Variants in RTN1 observed in about 807,000 individuals in gnomAD.
The protein encoded by RTN1 is reticulon 1, also known as reticulon-1.
Under a neutral mutation model 65.5 loss-of-function variants are expected in RTN1, and 25 were observed. That is an observed-to-expected ratio of 0.38 (90% confidence interval 0.28 to 0.53). The LOEUF (loss-of-function observed/expected upper bound fraction) is 0.53, where lower values mean the gene tolerates loss of function less well. RTN1 is among the 20% of genes least tolerant of loss of function. The pLI is 0.79. For missense variants in RTN1, 983 were observed against 1,025.4 expected (o/e 0.96, Z 0.57); for synonymous variants, 471 against 447.6 (o/e 1.05, Z -0.66).
At chr14:59,822,392 TTC>T in intron 1 of RTN1, among the ~76,000 whole-genome samples, 1 of 152,316 alleles carries the variant, frequency 6.6e-6, no homozygotes, top group Middle Eastern at 3.4e-3. Context: ...TATTTGGATC[TTC>T]TCTCTTTTGT....
chr14:59,620,091 T>C (rs1414593072), intron 3 of RTN1, among the ~76,000 whole-genome samples: 2 of 151,492 alleles, frequency 1.3e-5, no homozygotes, highest in Non-Finnish European at 2.9e-5. Context: ...TGAAGCAAAG[T>C]CTCCACTAAG....
intron 1 of RTN1, among the ~76,000 whole-genome samples, chr14:59,798,222 A>G (rs557940574): frequency 2.3e-4 from 35 of 152,332 alleles, no homozygotes; most frequent in African/African-American, 7.7e-4. Flanking sequence ...AAACAAGTAC[A>G]ATATTATTCT....
intron 2 of RTN1, among the ~76,000 whole-genome samples, chr14:59,731,250 G>T (rs1184063487): frequency 6.6e-6 from 1 of 152,102 alleles, no homozygotes. Context: ...CAGTCACAAA[G>T]GACCACATAT....
chr14:59,789,977 G>T (rs1046406151), intron 1 of RTN1, among the ~76,000 whole-genome samples: 2 of 151,848 alleles, frequency 1.3e-5, no homozygotes, highest in Admixed American at 1.3e-4. Context: ...AATGAAAATG[G>T]AATTATATAT....
chr14:59,699,966 C>T (rs1884144618), intron 3 of RTN1, among the ~76,000 whole-genome samples: 1 of 152,104 alleles, frequency 6.6e-6, no homozygotes. Flanking sequence ...CTCTTTCTGT[C>T]AAGGGCCAAA....
At chr14:59,821,756 A>T (rs2139629433) in intron 1 of RTN1, among the ~76,000 whole-genome samples, 1 of 152,306 alleles carries the variant, frequency 6.6e-6, no homozygotes, top group South Asian at 2.1e-4. Flanking sequence ...GCCTTTCTGC[A>T]TCTATCGAGA....
intron 1 of RTN1, among the ~76,000 whole-genome samples, chr14:59,821,164 G>C (rs1375204558): frequency 6.6e-6 from 1 of 152,078 alleles, no homozygotes; most frequent in African/African-American, 2.4e-5. Context: ...TTTTCCATTT[G>C]TTTATGTCAT....
At chr14:59,697,290 A>G (rs1884082733) in intron 3 of RTN1, among the ~76,000 whole-genome samples, 1 of 152,118 alleles carries the variant, frequency 6.6e-6, no homozygotes, top group Admixed American at 6.5e-5. Context: ...ATTATACTTA[A>G]TATTTTATAC....
intron 1 of RTN1, among the ~76,000 whole-genome samples, chr14:59,747,146 C>G (rs1476008182): frequency 6.6e-6 from 1 of 152,202 alleles, no homozygotes; most frequent in Non-Finnish European, 1.5e-5. Context: ...CTCTTTTACT[C>G]CTCTACTGCC....
intron 1 of RTN1, among the ~76,000 whole-genome samples, chr14:59,787,790 A>G (rs1886278376): frequency 6.6e-6 from 1 of 152,156 alleles, no homozygotes; most frequent in Non-Finnish European, 1.5e-5. Context: ...TAAAAATTCA[A>G]ACAGGACAAA....
chr14:59,764,323 C>CTT (rs963851147), intron 1 of RTN1, among the ~76,000 whole-genome samples: 3 of 144,258 alleles, frequency 2.1e-5, no homozygotes, highest in East Asian at 2.0e-4. Context: ...TGAAGTGCTA[C>CTT]TTTTTTTTTT....
intron 1 of RTN1, among the ~76,000 whole-genome samples, chr14:59,751,150 T>C (rs1957996): frequency 1 from 149,656 of 149,682 alleles, 74,815 homozygotes; most frequent in Middle Eastern, 1. Flanking sequence ...AGCAACAGAC[T>C]AGTTGAAATC....
rs67370818 is a variant in RTN1 at position 59,716,986 on chromosome 14, C to CA, written c.1765+9932dup. On this transcript the variant is annotated intron_variant, in intron 3 of 8. Transcript: ENST00000267484. ...CCATCTCAACAAACAAACAAACAAA[C>CA]AAAAAAAAAAAAAAAAAGAAGTAGA... 1.6e-3 allele frequency among the ~76,000 whole-genome samples: 196 copies of CA among 119,628 alleles called. 1 individual carries two copies. The highest frequency in any genetic ancestry group is 9.3e-3 in the Middle Eastern group (2 of 216). The allele number at this position is 119,628 out of a possible 152,430, so 78.5% of individuals were successfully genotyped here.
chr14:59,733,822 GC>G (rs1884951268), intron 2 of RTN1, among the ~76,000 whole-genome samples: 1 of 152,238 alleles, frequency 6.6e-6, no homozygotes, highest in Admixed American at 6.5e-5. Context: ...GGCTTGGAAA[GC>G]CCAAACCAAT....
intron 1 of RTN1, among the ~76,000 whole-genome samples, chr14:59,869,369 A>T (rs560408976): frequency 1.3e-4 from 20 of 151,710 alleles, no homozygotes; most frequent in African/African-American, 4.1e-4. Flanking sequence ...ACTCCACCAT[A>T]GCAAAGCTTT....
chr14:59,689,219 C>T (rs550715548), intron 3 of RTN1, among the ~76,000 whole-genome samples: 10 of 151,942 alleles, frequency 6.6e-5, no homozygotes, highest in East Asian at 5.8e-4. Context: ...AATTTCAGTG[C>T]GTGAAGACCA....
intron 1 of RTN1, among the ~76,000 whole-genome samples, chr14:59,824,183 T>C (rs1181745306): frequency 6.6e-6 from 1 of 152,226 alleles, no homozygotes; most frequent in African/African-American, 2.4e-5. Context: ...TACTTATCCA[T>C]TGTCAATTTA....
chr14:59,805,819 A>G (rs1886625672), intron 1 of RTN1, among the ~76,000 whole-genome samples: 1 of 152,220 alleles, frequency 6.6e-6, no homozygotes, highest in Non-Finnish European at 1.5e-5. Flanking sequence ...AAAAGGGAAG[A>G]GCACAAACCA....
chr14:59,742,256 TC>T (rs1885129684), intron 2 of RTN1, among the ~76,000 whole-genome samples: 1 of 152,220 alleles, frequency 6.6e-6, no homozygotes, highest in Non-Finnish European at 1.5e-5. Flanking sequence ...AAGGATGACT[TC>T]CTGATTATTG....
Sources: allele counts gnomAD v4.1 joint callset (sites outside exome capture counted in the v4.1 genomes callset), GRCh38; gene constraint gnomAD v4.1.1; transcripts MANE v1.5; gene names NCBI Gene and HGNC (gene_info 2026-07-23, HGNC 2026-07-21).